FAM178B: variants seen among roughly 807,000 people sequenced by gnomAD.
FAM178B encodes protein FAM178B.
In FAM178B, 82 loss-of-function variants were observed where a neutral mutation model predicts 91.7. That is an observed-to-expected ratio of 0.89 (90% CI 0.75 to 1.07). The LOEUF is 1.07. Ranked by LOEUF, FAM178B falls within the 50% of genes least tolerant of loss-of-function variation. FAM178B has a pLI of 0.00. For synonymous variants in FAM178B, 368 were observed against 359.4 expected (o/e 1.02, Z -0.27); for missense variants, 769 against 846.7 (o/e 0.91, Z 1.14).
intron 9 of FAM178B, among the ~76,000 whole-genome samples, chr2:96,926,411 C>T (rs1398392632): frequency 6.6e-6 from 1 of 152,242 alleles, no homozygotes; most frequent in Non-Finnish European, 1.5e-5. Flanking sequence ...AGGGCTCTAA[C>T]TTCAGCTGGG....
chr2:96,944,964 T>C (rs2081798409), intron 8 of FAM178B, among the ~76,000 whole-genome samples: 1 of 152,064 alleles, frequency 6.6e-6, no homozygotes, highest in Non-Finnish European at 1.5e-5. Flanking sequence ...CCTACCTGAC[T>C]ACAAGTAATT....
rs1414440106 is a variant in FAM178B, at chr2:96,971,885, G to A, written c.564+16C>T. 1.4e-6 allele frequency: 2 copies of A among 1,471,964 alleles called. No individual in the cohort carries two copies. The highest frequency in any genetic ancestry group is 2.9e-5 in the South Asian group (2 of 70,012). The allele number at this position is 1,471,964 out of a possible 1,614,324, so 91.2% of individuals were successfully genotyped here. A position where few individuals can be genotyped will look rare whatever the true frequency, so the allele number is the denominator to read the frequency against. On this transcript the variant is annotated intron_variant, in intron 3 of 16. Transcript: ENST00000490605. ...GGTAGCCAAGGAGAAGAGGCCAAGG[G>A]TGGACACAGGCTCACCTCTGGGGCC...
At chr2:96,936,417 G>A (rs1405000398) in intron 8 of FAM178B, among the ~76,000 whole-genome samples, 5 of 151,590 alleles carry the variant, frequency 3.3e-5, no homozygotes, top group Non-Finnish European at 7.4e-5. Context: ...TAGCCAGGAT[G>A]GTCTCGATCT....
At chr2:96,896,738 C>T (rs2080831638) in intron 13 of FAM178B, among the ~76,000 whole-genome samples, 1 of 152,196 alleles carries the variant, frequency 6.6e-6, no homozygotes, top group Admixed American at 6.5e-5. Flanking sequence ...CAACGACCTG[C>T]CTGCTGCTTC....
chr2:96,976,841 C>T (rs1167630028), intron 1 of FAM178B, among the ~76,000 whole-genome samples: 1 of 151,422 alleles, frequency 6.6e-6, no homozygotes, highest in Non-Finnish European at 1.5e-5. Flanking sequence ...AAGGGAGACT[C>T]ATTTTCAAAA....
At position 96,877,559 on chromosome 2, in the gene FAM178B, C is replaced by T. The variant is rs575281132; in HGVS notation, c.2007+331G>A. Among the ~76,000 whole-genome samples, 6 of 152,320 alleles carry T rather than the reference C, an allele frequency of 3.9e-5. No homozygotes were observed. The South Asian group carries it at 1.0e-3, about 26-fold the overall frequency. On this transcript the variant is annotated intron_variant, in intron 16 of 16. Transcript: ENST00000490605. ...CTGGGATTACAGGCGCACACCACCG[C>T]GCCCGGCTAATTTTTTTAATCTTTG...
rs1278952321 is a variant in FAM178B, at chr2:96,986,256, G to T, written c.58C>A (p.Arg20=). 4 of 1,534,352 alleles carry T rather than the reference G, an allele frequency of 2.6e-6. No homozygotes were observed. The highest frequency in any genetic ancestry group is 3.5e-6 in the Non-Finnish European group (4 of 1,146,746). The change falls in exon 1 of 17, where the codon CGG becomes AGG. Residue 20 remains arginine (R), a synonymous_variant. Transcript: ENST00000490605. ...GTTTCCTTACCTGTAAAATGGAGCC[G>T]CTGATCCTGCCTCCTGAGTTGTGGA... The part of the protein sequence containing the change: ...LAPQLRRQDQ[R]LHFTGQMSHG...
chr2:96,894,347 ACACCCACCCACT>A (rs1033994130), intron 13 of FAM178B, among the ~76,000 whole-genome samples: 53 of 100,710 alleles, frequency 5.3e-4, no homozygotes, highest in East Asian at 3.4e-3. Flanking sequence ...CACAGACCTG[ACACCCACCCACT>A]CACCCACCCA....
intron 1 of FAM178B, among the ~76,000 whole-genome samples, chr2:96,973,156 C>A (rs1458746306): frequency 6.6e-6 from 1 of 150,504 alleles, no homozygotes; most frequent in Admixed American, 6.6e-5. Context: ...TGCAGTGACC[C>A]AAGATGGTGC....
intron 4 of FAM178B, among the ~76,000 whole-genome samples, chr2:96,969,127 T>A (rs1379121721): frequency 6.6e-6 from 1 of 152,242 alleles, no homozygotes; most frequent in Non-Finnish European, 1.5e-5. Context: ...GAGATCATTA[T>A]GCTAAATTGC....
intron 5 of FAM178B, among the ~76,000 whole-genome samples, chr2:96,962,449 GAA>G (rs2082094284): frequency 1.4e-5 from 2 of 147,240 alleles, no homozygotes; most frequent in African/African-American, 5.0e-5. Flanking sequence ...AAAAAAGAAA[GAA>G]AGAAAGAAAG....
At position 96,878,013 on chromosome 2, in the gene FAM178B, C is replaced by T. The variant is rs1173547456; in HGVS notation, c.1884G>A (p.Leu628=). The T allele has an allele frequency of 2.5e-6, 4 of 1,611,894 alleles. No individual in the cohort carries two copies. In the South Asian group the frequency reaches 4.4e-5, roughly 18 times the overall value. ...WGELQLLCMQ[L]DRHISTQIRE... ...GGATCTGCGTGCTGATGTGGCGGTC[C>T]AACTGCATGCACAGCAGCTGCAGCT... The change falls in exon 16 of 17, where the codon TTG becomes TTA. Residue 628 remains leucine (L), a synonymous_variant. Transcript: ENST00000490605.
chr2:96,945,886 T>C (rs2081819342), intron 8 of FAM178B, among the ~76,000 whole-genome samples: 1 of 152,192 alleles, frequency 6.6e-6, no homozygotes, highest in East Asian at 1.9e-4. Context: ...AGTGCACAGT[T>C]CAGTGGTAGT....
chr2:96,970,118 C>G (rs1198612382), intron 4 of FAM178B, among the ~76,000 whole-genome samples: 2 of 152,188 alleles, frequency 1.3e-5, no homozygotes, highest in Admixed American at 1.3e-4. Context: ...CCTGTCTGTC[C>G]CCAGCCACCT....
chr2:96,898,241 C>CCTT (rs2080859825), intron 13 of FAM178B: 5 of 497,194 alleles, frequency 1.0e-5, no homozygotes, highest in South Asian at 1.7e-4. Context: ...GGACTAAAGC[C>CCTT]CAAGGACCCA....
chr2:96,970,566 C>T (rs576094823), intron 4 of FAM178B, 150 bp downstream of exon 4: 24 of 551,408 alleles, frequency 4.4e-5, no homozygotes, highest in Admixed American at 6.5e-5. Flanking sequence ...CCTGCCCTGG[C>T]GACCTGCCTG....
intron 4 of FAM178B, among the ~76,000 whole-genome samples, chr2:96,968,351 T>C (rs1040323668): frequency 5.9e-5 from 9 of 152,100 alleles, no homozygotes; most frequent in African/African-American, 2.2e-4. Context: ...ACACACCTGT[T>C]ACCTTGCCAG....
At chr2:96,962,501 G>T (rs991110580) in intron 5 of FAM178B, among the ~76,000 whole-genome samples, 1 of 151,822 alleles carries the variant, frequency 6.6e-6, no homozygotes, top group Non-Finnish European at 1.5e-5. Flanking sequence ...CTACAAAGGG[G>T]TCCTGTCCCT....
intron 14 of FAM178B, among the ~76,000 whole-genome samples, chr2:96,888,172 T>C (rs17119645): frequency 0.034 from 5,200 of 152,322 alleles, 112 homozygotes; most frequent in Middle Eastern, 0.1. Context: ...CTCTTTGAGG[T>C]TTATTTTTAA....
Sources: allele counts gnomAD v4.1 joint callset (sites outside exome capture counted in the v4.1 genomes callset), GRCh38; gene constraint gnomAD v4.1.1; transcripts MANE v1.5; gene names NCBI Gene and HGNC (gene_info 2026-07-23, HGNC 2026-07-21).